MYO18B: variants seen among roughly 807,000 people sequenced by gnomAD.
MYO18B encodes the protein myosin XVIIIB.
In MYO18B, 204 loss-of-function variants were observed where a neutral mutation model predicts 273.0. The observed-to-expected ratio is 0.75, with a 90% confidence interval of 0.67 to 0.84. MYO18B has a LOEUF of 0.84. MYO18B is among the 40% of genes least tolerant of loss of function. The probability of loss-of-function intolerance (pLI) is 0.00; values close to 1 mark genes in which losing one functional copy is unlikely to be tolerated. For synonymous variants in MYO18B, 1,330 were observed against 1,305.7 expected, an observed-to-expected ratio of 1.02 and a Z score of -0.40; for missense variants, 3,212 against 3,287.6, an observed-to-expected ratio of 0.98 and a Z score of 0.56.
At chr22:25,789,392 T>C (rs1601699640) in intron 11 of MYO18B, among the ~76,000 whole-genome samples, 1 of 152,184 alleles carries the variant, frequency 6.6e-6, no homozygotes, top group Non-Finnish European at 1.5e-5. Context: ...TCCCAGCACG[T>C]TGGGAGGCTG....
chr22:25,811,077 G>C (rs944145803), intron 12 of MYO18B, among the ~76,000 whole-genome samples: 1 of 149,164 alleles, frequency 6.7e-6, no homozygotes, highest in Non-Finnish European at 1.5e-5. Context: ...GCAGTGGTGT[G>C]ATCTCGGCTC....
chr22:25,854,298 T>C (rs894542729), intron 21 of MYO18B, among the ~76,000 whole-genome samples: 7 of 152,286 alleles, frequency 4.6e-5, no homozygotes, highest in African/African-American at 1.4e-4. Context: ...GCATAAACTC[T>C]CATTATAAAA....
intron 39 of MYO18B, among the ~76,000 whole-genome samples, chr22:25,975,220 G>A (rs557472506): frequency 7.9e-5 from 12 of 152,284 alleles, no homozygotes; most frequent in African/African-American, 1.4e-4. Context: ...AGAGCACACC[G>A]CTTAGCAGTT....
At chr22:25,787,140 A>G (rs957200863) in intron 11 of MYO18B, among the ~76,000 whole-genome samples, 1 of 152,022 alleles carries the variant, frequency 6.6e-6, no homozygotes, top group African/African-American at 2.4e-5. Context: ...GCTTGAATCC[A>G]GGAGGTGGAG....
At position 25,992,358 on chromosome 22, in the gene MYO18B, C is replaced by A. The variant is rs1360884254; in HGVS notation, c.6157-5C>A. 1 of 1,613,566 alleles carries A rather than the reference C, an allele frequency of 6.2e-7. No homozygotes were observed. The highest frequency in any genetic ancestry group is 8.5e-7 in the Non-Finnish European group (1 of 1,179,644). On this transcript the variant is annotated splice_region_variant and splice_polypyrimidine_tract_variant and intron_variant, in intron 39 of 43. Transcript: ENST00000335473. ...CCAACGTGTGTTTGCATCTTCTGTC[C>A]CCAGGAGAAGTACGTGGAGGAACTT...
intron 12 of MYO18B, among the ~76,000 whole-genome samples, chr22:25,821,538 G>A (rs953525878): frequency 6.6e-6 from 1 of 152,176 alleles, no homozygotes; most frequent in African/African-American, 2.4e-5. Flanking sequence ...AGCACTTTGG[G>A]AGGCTGAGGT....
At position 25,822,999 on chromosome 22, in the gene MYO18B, T is replaced by C. The variant is rs545612564; in HGVS notation, c.2522-506T>C. ...TGCCAAGGTTGTCTGGCTATTTATC[T>C]TACTTCTGTTTGTTTCCAACTTTTT... On this transcript the variant is annotated intron_variant, in intron 12 of 43. Transcript: ENST00000335473. 2.0e-5 allele frequency among the ~76,000 whole-genome samples: 3 copies of C among 152,336 alleles called. No homozygotes were observed. In the South Asian group the frequency reaches 6.2e-4, roughly 32 times the overall value.
In MYO18B at chr22:25,773,554, C is replaced by T. The variant is rs548205140; in HGVS notation, c.1869+1044C>T. 5.9e-5 allele frequency among the ~76,000 whole-genome samples: 9 copies of T among 152,226 alleles called. No individual in the cohort carries two copies. In the South Asian group the frequency reaches 1.0e-3, roughly 18 times the overall value. On this transcript the variant is annotated intron_variant, in intron 7 of 43. Transcript: ENST00000335473. ...TCTCGGCTCACTGCAAGCGCCGCCT[C>T]CCGGGTTCACGCCATTCTCCTGCCT...
chr22:25,744,689 A>C (rs1429627860), intron 1 of MYO18B, among the ~76,000 whole-genome samples: 2 of 152,176 alleles, frequency 1.3e-5, no homozygotes, highest in Non-Finnish European at 2.9e-5. Flanking sequence ...AGCCGAGATC[A>C]CGCCATTGCA....
At chr22:26,021,408 C>T (rs77653358) in intron 42 of MYO18B, among the ~76,000 whole-genome samples, 101 of 152,326 alleles carry the variant, frequency 6.6e-4, no homozygotes, top group African/African-American at 2.3e-3. Flanking sequence ...TATTGAGCAC[C>T]TACTATGTGC....
chr22:25,809,095 A>G lies in MYO18B; in HGVS notation c.2521+10998A>G, dbSNP rs559846942. On this transcript the variant is annotated intron_variant, in intron 12 of 43. Transcript: ENST00000335473. ...GTAGCTGGGATTACAGGTACCTGCC[A>G]CCACACCCAGCTAATTTTTGTATTT... 2.0e-5 allele frequency among the ~76,000 whole-genome samples: 3 copies of G among 152,164 alleles called. No individual in the cohort carries two copies. In the South Asian group the frequency reaches 6.2e-4, roughly 32 times the overall value.
chr22:25,769,762 C>T lies in MYO18B; in HGVS notation c.1512+334C>T, dbSNP rs6004762. ...ACAGCTTTCAAACGGGATGGCATAACGAGTAGATTGTTAAAAATGCAGATT... is the reference window on the plus strand; with the variant it reads ...ACAGCTTTCAAACGGGATGGCATAATGAGTAGATTGTTAAAAATGCAGATT... On this transcript the variant is annotated intron_variant, in intron 4 of 43. Coordinates refer to ENST00000335473, the MANE Select transcript of MYO18B (RefSeq NM_032608.7). Among the ~76,000 whole-genome samples, 1,468 of 152,074 alleles carry T rather than the reference C, an allele frequency of 9.7e-3. 27 individuals carry two copies. The highest frequency in any genetic ancestry group is 0.029 in the African/African-American group (1,219 of 41,460).
intron 1 of MYO18B, among the ~76,000 whole-genome samples, chr22:25,742,824 G>A (rs1290305034): frequency 6.6e-6 from 1 of 152,214 alleles, no homozygotes; most frequent in Non-Finnish European, 1.5e-5. Context: ...GGCAATGGAA[G>A]TTCATGGCTG....
the MYO18B span, among the ~76,000 whole-genome samples, chr22:26,036,577 A>G: frequency 6.6e-6 from 1 of 152,180 alleles, no homozygotes; most frequent in African/African-American, 2.4e-5. Flanking sequence ...GTTCAGGCCT[A>G]CAGCTTGTAG....
intron 1 of MYO18B, among the ~76,000 whole-genome samples, chr22:25,745,736 G>A (rs950507312): frequency 6.6e-6 from 1 of 152,184 alleles, no homozygotes; most frequent in African/African-American, 2.4e-5. Context: ...CTCATGTGTA[G>A]GGTAGCAAGA....
At position 25,833,047 on chromosome 22, in the gene MYO18B, T is replaced by C. The variant is rs780037847; in HGVS notation, c.3060+50T>C. ...GGCTCTCAGATGCCAGTTGGCCATA[T>C]TGAAATGCTGGTGGATTTGAGTCTT... is the stretch of plus-strand genomic sequence containing the variant. On this transcript the variant is annotated intron_variant, in intron 16 of 43. Transcript: ENST00000335473. 6 of 1,533,910 alleles carry C rather than the reference T, an allele frequency of 3.9e-6. No individual in the cohort carries two copies. The South Asian group carries it at 5.6e-5, about 14-fold the overall frequency.
chr22:25,805,022 C>A (rs1008769568), intron 12 of MYO18B, among the ~76,000 whole-genome samples: 1 of 152,126 alleles, frequency 6.6e-6, no homozygotes, highest in Non-Finnish European at 1.5e-5. Context: ...TCTCTCAGCT[C>A]CTCTGGTGTC....
intron 12 of MYO18B, among the ~76,000 whole-genome samples, chr22:25,813,385 G>T (rs570895180): frequency 6.6e-6 from 1 of 151,868 alleles, no homozygotes; most frequent in Non-Finnish European, 1.5e-5. Context: ...GTGCCTATTG[G>T]ATGATAAGCC....
Position 25,763,854 on chromosome 22 carries a change from A to T in MYO18B, c.198+465A>T, listed in dbSNP as rs540110595. ...TGGGGATTACTTGAACACTATTTTT[A>T]TAGAAAAGGAAACCTAGATACTGGC... is the stretch of plus-strand genomic sequence containing the variant. On this transcript the variant is annotated intron_variant, in intron 3 of 43. Coordinates refer to ENST00000335473, the MANE Select transcript of MYO18B (RefSeq NM_032608.7). 5.9e-5 allele frequency among the ~76,000 whole-genome samples: 9 copies of T among 152,344 alleles called. No individual in the cohort carries two copies. The South Asian group carries it at 1.7e-3, about 28-fold the overall frequency.
Sources: gnomAD v4.1 joint callset for allele counts (sites outside exome capture counted in the v4.1 genomes callset) on GRCh38, gnomAD v4.1.1 for gene constraint, MANE v1.5 for transcripts, NCBI Gene and HGNC (gene_info 2026-07-23, HGNC 2026-07-21) for gene names.